PRKAR1B: variants seen among roughly 807,000 people sequenced by gnomAD.
The protein encoded by PRKAR1B is protein kinase cAMP-dependent type I regulatory subunit beta, also known as cAMP-dependent protein kinase type I-beta regulatory subunit.
In PRKAR1B, 22 loss-of-function variants were observed where a neutral mutation model predicts 46.5. That is an observed-to-expected ratio of 0.47 (90% CI 0.34 to 0.68). PRKAR1B has a LOEUF of 0.68. PRKAR1B is among the 30% of genes least tolerant of loss of function. The pLI, the probability that PRKAR1B is intolerant of heterozygous loss-of-function variation, is 0.01. For synonymous variants in PRKAR1B, 259 were observed against 217.7 expected (o/e 1.19, Z -1.67); for missense variants, 445 against 535.6 (o/e 0.83, Z 1.67).
At chr7:701,327 G>GAAGAA (rs1194251033) in intron 2 of PRKAR1B, among the ~76,000 whole-genome samples, 2 of 149,994 alleles carry the variant, frequency 1.3e-5, no homozygotes, top group African/African-American at 4.9e-5. Flanking sequence ...AAAAGAAAGA[G>GAAGAA]AAGAAAAGAA....
chr7:681,577 C>G (rs185115857), intron 2 of PRKAR1B, among the ~76,000 whole-genome samples: 92 of 152,306 alleles, frequency 6.0e-4, no homozygotes, highest in African/African-American at 2.2e-3. Context: ...TGACAAGCAT[C>G]TGGAGGTCTG....
At chr7:696,140 A>AT (rs58169213) in intron 2 of PRKAR1B, among the ~76,000 whole-genome samples, 5,007 of 149,290 alleles carry the variant, frequency 0.034, 312 homozygotes, top group African/African-American at 0.12. Flanking sequence ...GCCTGGCTAA[A>AT]TTTTTTTATT....
At chr7:583,595 T>TGC (rs1419831792) in intron 8 of PRKAR1B, among the ~76,000 whole-genome samples, 1 of 65,454 alleles carries the variant, frequency 1.5e-5, no homozygotes, top group African/African-American at 7.4e-5. Context: ...CACTCCCAGG[T>TGC]GCACACACAC....
rs35599381 is a variant in PRKAR1B, at chr7:636,367, C to T, written c.441-28915G>A. Among the ~76,000 whole-genome samples, 23 of 37,626 alleles carry T rather than the reference C, an allele frequency of 6.1e-4. 1 individual carries two copies. The highest frequency in any genetic ancestry group is 1.4e-3 in the African/African-American group (12 of 8,316). 24.7% of individuals were successfully genotyped at this position (37,626 alleles called of 152,430 possible). ...GCGCCCACACGTCCTCCACCGGCCG[C>T]GCCCACACGTCCTCCACCGGCCGCG... On this transcript the variant is annotated intron_variant, in intron 4 of 10. Coordinates refer to ENST00000537384, the MANE Select transcript of PRKAR1B (RefSeq NM_001164760.2).
intron 4 of PRKAR1B, among the ~76,000 whole-genome samples, chr7:636,885 C>T (rs1784140481): frequency 6.6e-6 from 1 of 152,174 alleles, no homozygotes; most frequent in Non-Finnish European, 1.5e-5. Flanking sequence ...ACAACTGTGA[C>T]CCCGCAAACC....
chr7:628,913 T>C (rs1222846365), intron 4 of PRKAR1B, among the ~76,000 whole-genome samples: 1 of 151,266 alleles, frequency 6.6e-6, no homozygotes, highest in Admixed American at 6.6e-5. Context: ...GGGGACGGGG[T>C]GGAGGTGCCT....
intron 4 of PRKAR1B, among the ~76,000 whole-genome samples, chr7:636,443 C>CACACG (rs1477369231): frequency 3.3e-5 from 3 of 91,496 alleles, no homozygotes; most frequent in Non-Finnish European, 2.5e-5. Flanking sequence ...CGGCCGCGCC[C>CACACG]TCACGTCCTC....
At chr7:681,569 A>G (rs1261475252) in intron 2 of PRKAR1B, among the ~76,000 whole-genome samples, 1 of 152,184 alleles carries the variant, frequency 6.6e-6, no homozygotes, top group Non-Finnish European at 1.5e-5. Flanking sequence ...GGCTGAGATG[A>G]CAAGCATCTG....
At chr7:691,858 A>C in intron 2 of PRKAR1B, 1 of 1,159,522 alleles carries the variant, frequency 8.6e-7, no homozygotes, top group Non-Finnish European at 1.1e-6. Context: ...GGTCACCATG[A>C]CAACGGGCCA....
intron 6 of PRKAR1B, among the ~76,000 whole-genome samples, chr7:596,606 C>T (rs1318230179): frequency 1.3e-5 from 2 of 152,248 alleles, no homozygotes; most frequent in Non-Finnish European, 1.5e-5. Context: ...ACCCGGCCCC[C>T]GCTCTGCGGC....
At chr7:675,601 C>T (rs116457302) in intron 4 of PRKAR1B, among the ~76,000 whole-genome samples, 3,935 of 152,188 alleles carry the variant, frequency 0.026, 182 homozygotes, top group African/African-American at 0.089. Flanking sequence ...AAGAAAGAAA[C>T]GAACAAGTAC....
At chr7:679,434 T>C (rs1373597721) in intron 3 of PRKAR1B, among the ~76,000 whole-genome samples, 1 of 152,264 alleles carries the variant, frequency 6.6e-6, no homozygotes, top group Non-Finnish European at 1.5e-5. Context: ...TATTTGAGGT[T>C]CTTCTCGTGG....
chr7:633,787 G>T (rs1354343827), intron 4 of PRKAR1B, among the ~76,000 whole-genome samples: 1 of 152,084 alleles, frequency 6.6e-6, no homozygotes, highest in African/African-American at 2.4e-5. Context: ...GGGGAGCAGC[G>T]AGGACACAGC....
At chr7:658,837 G>A (rs1383876016) in intron 4 of PRKAR1B, among the ~76,000 whole-genome samples, 4 of 152,042 alleles carry the variant, frequency 2.6e-5, no homozygotes, top group Admixed American at 2.6e-4. Context: ...TTTTAGTAGA[G>A]ACAGGGTTTT....
intron 7 of PRKAR1B, among the ~76,000 whole-genome samples, chr7:588,906 G>A (rs376354445): frequency 7.4e-3 from 2 of 270 alleles, no homozygotes; most frequent in Admixed American, 0.038. Flanking sequence ...GATGGTGACG[G>A]TGGTGATGGT....
intron 4 of PRKAR1B, among the ~76,000 whole-genome samples, chr7:654,313 C>G (rs1785073411): frequency 6.6e-6 from 1 of 151,488 alleles, no homozygotes; most frequent in African/African-American, 2.4e-5. Context: ...TTATCACCAT[C>G]ATCACCATCC....
chr7:707,093 T>C (rs1780371124), intron 2 of PRKAR1B, among the ~76,000 whole-genome samples: 1 of 152,212 alleles, frequency 6.6e-6, no homozygotes, highest in Admixed American at 6.5e-5. Context: ...TGAGACTCCA[T>C]GGAATTTTAG....
chr7:690,973 G>A (rs962999405), intron 2 of PRKAR1B, among the ~76,000 whole-genome samples: 6 of 152,126 alleles, frequency 3.9e-5, no homozygotes, highest in East Asian at 1.9e-4. Flanking sequence ...GCGGCCCATC[G>A]GCTCTGCTGC....
At chr7:631,092 C>G (rs1302515204) in intron 4 of PRKAR1B, among the ~76,000 whole-genome samples, 1 of 152,030 alleles carries the variant, frequency 6.6e-6, no homozygotes, top group African/African-American at 2.4e-5. Context: ...ACTGGGATTA[C>G]AGGCACCCTC....
Sources: allele counts gnomAD v4.1 joint callset (sites outside exome capture counted in the v4.1 genomes callset), GRCh38; gene constraint gnomAD v4.1.1; transcripts MANE v1.5; gene names NCBI Gene and HGNC (gene_info 2026-07-23, HGNC 2026-07-21).